CSMD2: variants seen among roughly 807,000 people sequenced by gnomAD.
The protein encoded by CSMD2 is CUB and sushi domain-containing protein 2.
Under a neutral mutation model 398.5 loss-of-function variants are expected in CSMD2, and 130 were observed. The observed-to-expected ratio is 0.33, with a 90% CI of 0.28 to 0.38. The LOEUF (loss-of-function observed/expected upper bound fraction) is 0.38, where lower values mean the gene tolerates loss of function less well. Among genes scored for constraint, CSMD2 ranks in the 10% least tolerant of loss-of-function variants. The pLI, the probability that CSMD2 is intolerant of heterozygous loss-of-function variation, is 1.00. For synonymous variants in CSMD2, 1,828 were observed against 1,908.5 expected, an observed-to-expected ratio of 0.96 and a Z score of 1.10; for missense variants, 3,829 against 4,764.9, an observed-to-expected ratio of 0.80 and a Z score of 5.78.
chr1:34,140,604 G>A (rs779720638), intron 1 of CSMD2, among the ~76,000 whole-genome samples: 4 of 152,156 alleles, frequency 2.6e-5, no homozygotes, highest in Non-Finnish European at 4.4e-5. Context: ...TGTTACAAAG[G>A]TTTTGTGAAT....
At chr1:33,905,834 G>A (rs929115676) in intron 5 of CSMD2, among the ~76,000 whole-genome samples, 2 of 152,196 alleles carry the variant, frequency 1.3e-5, no homozygotes, top group Non-Finnish European at 2.9e-5. Flanking sequence ...AGCATGAGGT[G>A]TGGCAGAGAA....
rs1654047242 is a variant in CSMD2, at chr1:33,519,452, C to T, written c.*53+13G>A. 4.6e-6 allele frequency: 7 copies of T among 1,534,186 alleles called. No individual in the cohort carries two copies. Among genetic ancestry groups the T allele is most frequent in the Non-Finnish European group, 6.3e-6 (7 of 1,117,434 alleles). Reference sequence around the variant, plus strand: ...CTTGTCATGGCCTGTCTTCCTCCCACACCCCTGCTCACCGGCTGCTGGAGG... The same window carrying T: ...CTTGTCATGGCCTGTCTTCCTCCCATACCCCTGCTCACCGGCTGCTGGAGG... On this transcript the variant is annotated intron_variant, in intron 70 of 70. Transcript: ENST00000373381. The surrounding 1 kb of genome is among the most constrained non-coding windows in gnomAD (Gnocchi z 5.6).
chr1:33,756,023 T>C (rs1184976819), intron 13 of CSMD2, among the ~76,000 whole-genome samples: 1 of 152,164 alleles, frequency 6.6e-6, no homozygotes, highest in Non-Finnish European at 1.5e-5. Flanking sequence ...CCCTCTCTCA[T>C]TCCTAAGACA....
At chr1:33,817,081 C>T (rs562654580) in intron 9 of CSMD2, among the ~76,000 whole-genome samples, 21 of 152,214 alleles carry the variant, frequency 1.4e-4, no homozygotes, top group African/African-American at 4.8e-4. Flanking sequence ...CTAAAAATCA[C>T]AGAATAGTGA....
intron 1 of CSMD2, among the ~76,000 whole-genome samples, chr1:34,150,018 T>C (rs1383469135): frequency 6.6e-6 from 1 of 151,826 alleles, no homozygotes; most frequent in Non-Finnish European, 1.5e-5. Flanking sequence ...TGCACCCTGC[T>C]CTCAGATCCT....
At chr1:33,842,755 A>AT (rs993933048) in intron 6 of CSMD2, among the ~76,000 whole-genome samples, 1 of 152,010 alleles carries the variant, frequency 6.6e-6, no homozygotes, top group Non-Finnish European at 1.5e-5. Context: ...ACGAAATATT[A>AT]TTTTTTTCAA....
intron 32 of CSMD2, among the ~76,000 whole-genome samples, chr1:33,626,840 T>A (rs2148890273): frequency 6.6e-6 from 1 of 152,242 alleles, no homozygotes; most frequent in East Asian, 1.9e-4. Context: ...GTACCCTCAT[T>A]TAATAAAGAA....
intron 29 of CSMD2, among the ~76,000 whole-genome samples, chr1:33,639,728 T>C (rs1414044186): frequency 1.3e-5 from 2 of 152,212 alleles, no homozygotes; most frequent in Non-Finnish European, 2.9e-5. Context: ...AACTACAGAC[T>C]CTATTCTATA....
chr1:33,779,432 G>A (rs993662675), intron 12 of CSMD2, among the ~76,000 whole-genome samples: 5 of 152,172 alleles, frequency 3.3e-5, no homozygotes, highest in Non-Finnish European at 7.3e-5. Context: ...GTTGTTGTGA[G>A]GATTAAATGA....
intron 10 of CSMD2, chr1:33,805,027 A>G: frequency 1.6e-6 from 1 of 621,072 alleles, no homozygotes. Flanking sequence ...CAGAGGTGCT[A>G]TCTTTAGAAA....
At chr1:34,153,847 G>A (rs912913236) in intron 1 of CSMD2, among the ~76,000 whole-genome samples, 1 of 152,130 alleles carries the variant, frequency 6.6e-6, no homozygotes, top group African/African-American at 2.4e-5. Context: ...GCTCATCAGT[G>A]CCCTCCTATC....
chr1:33,709,291 C>G, intron 21 of CSMD2, 33 bp from the exon 22 acceptor site: 1 of 1,581,400 alleles, frequency 6.3e-7, no homozygotes, highest in Non-Finnish European at 8.6e-7. Flanking sequence ...CATAGATTAA[C>G]CCCCATCAGC....
chr1:33,916,384 G>A (rs1024252009), intron 5 of CSMD2, among the ~76,000 whole-genome samples: 1 of 152,178 alleles, frequency 6.6e-6, no homozygotes, highest in Non-Finnish European at 1.5e-5. Context: ...CAGTAAACAG[G>A]TATTTTACAA....
At chr1:34,108,792 C>A (rs576961906) in intron 1 of CSMD2, among the ~76,000 whole-genome samples, 1 of 152,254 alleles carries the variant, frequency 6.6e-6, no homozygotes, top group African/African-American at 2.4e-5. Context: ...TTGGGCCAGA[C>A]GGAACCACAG....
At chr1:33,936,581 G>A (rs1331521067) in intron 3 of CSMD2, among the ~76,000 whole-genome samples, 1 of 152,232 alleles carries the variant, frequency 6.6e-6, no homozygotes, top group African/African-American at 2.4e-5. Flanking sequence ...CATGCACAGT[G>A]TGTGGCCAGA....
chr1:33,754,058 G>C (rs1279975644), intron 13 of CSMD2, among the ~76,000 whole-genome samples: 2 of 152,156 alleles, frequency 1.3e-5, no homozygotes, highest in Admixed American at 6.5e-5. Flanking sequence ...TAAGACTTTG[G>C]GGGACTATTG....
rs993401542 is a variant in CSMD2, at chr1:33,773,954, T to C, written c.1664-1203A>G. 7.2e-5 allele frequency among the ~76,000 whole-genome samples: 11 copies of C among 152,152 alleles called. 1 individual carries two copies. Among genetic ancestry groups the C allele is most frequent in the Admixed American group, 2.6e-4 (4 of 15,286 alleles). ...CTGACAGGGATGATTCTGCAAAGGC[T>C]TTCCTACCACACTGGGGGCTTCTGT... On this transcript the variant is annotated intron_variant, in intron 12 of 70. Coordinates refer to ENST00000373381, the MANE Select transcript of CSMD2 (RefSeq NM_001281956.2).
chr1:33,938,087 C>A (rs1644535596), intron 3 of CSMD2, among the ~76,000 whole-genome samples: 1 of 152,246 alleles, frequency 6.6e-6, no homozygotes, highest in Non-Finnish European at 1.5e-5. Flanking sequence ...CACAGTGGGG[C>A]CAGCCCTCAG....
At chr1:34,076,930 T>A (rs10914858) in intron 2 of CSMD2, among the ~76,000 whole-genome samples, 10,784 of 25,950 alleles carry the variant, frequency 0.42, 1,718 homozygotes, top group Non-Finnish European at 0.47. Context: ...AAAAAAAAAA[T>A]ATATATATAT....
Sources: allele counts gnomAD v4.1 joint callset (sites outside exome capture counted in the v4.1 genomes callset), GRCh38; gene constraint gnomAD v4.1.1; non-coding constraint Gnocchi (gnomAD v3.1); transcripts MANE v1.5; gene names NCBI Gene and HGNC (gene_info 2026-07-23, HGNC 2026-07-21).